The following ABI3BP variants were observed in gnomAD, a reference collection of about 807,000 sequenced individuals.
The protein encoded by ABI3BP is target of Nesh-SH3.
Under a neutral mutation model 268.6 loss-of-function variants are expected in ABI3BP, and 216 were observed. The ratio of observed to expected loss-of-function variants is 0.80; its 90% CI spans 0.72 to 0.90. The LOEUF (loss-of-function observed/expected upper bound fraction) is 0.90, where lower values mean the gene tolerates loss of function less well. ABI3BP is among the 40% of genes least tolerant of loss of function. The pLI is 0.00. For synonymous variants in ABI3BP, 730 were observed against 730.0 expected (o/e 1.00, Z 0.00); for missense variants, 2,090 against 2,182.4 (o/e 0.96, Z 0.84).
chr3:100,865,048 C>A, intron 10 of ABI3BP, 141 bp from the exon 11 acceptor site: 1 of 685,990 alleles, frequency 1.5e-6, no homozygotes, highest in Non-Finnish European at 2.5e-6. Flanking sequence ...GTAAAGAGCT[C>A]CTTGGCTTGT....
intron 4 of ABI3BP, among the ~76,000 whole-genome samples, chr3:100,897,301 A>G (rs573971816): frequency 3.9e-5 from 6 of 152,172 alleles, no homozygotes; most frequent in Admixed American, 6.6e-5. Flanking sequence ...CGTAATATAC[A>G]TCTTCCTATA....
At chr3:100,894,230 A>C (rs2046099768) in intron 4 of ABI3BP, among the ~76,000 whole-genome samples, 1 of 152,186 alleles carries the variant, frequency 6.6e-6, no homozygotes, top group Non-Finnish European at 1.5e-5. Context: ...TTTAAATTAG[A>C]GCCAATGGGA....
chr3:100,876,402 CAA>C, intron 7 of ABI3BP, 108 bp downstream of exon 7: 2 of 949,134 alleles, frequency 2.1e-6, no homozygotes, highest in East Asian at 5.7e-5. Context: ...AACTTTTTCT[CAA>C]AAAAAAAATC....
chr3:100,770,879 G>T lies in ABI3BP; in HGVS notation c.4605C>A (p.Pro1535=). ...CATTCCCCTCTGTGGCCTCCTCTTT[G>T]GGGAACCGTTTGACAGAGTCAGTAA... ...CSITDSVKRF[P]KEEATEGNAT... is the part of the protein sequence containing the mutation. Residue 1535 remains proline (P), a synonymous_variant, in exon 62 of 68, where the codon CCC becomes CCA. Coordinates refer to ENST00000471714, the MANE Select transcript of ABI3BP (RefSeq NM_001375547.2). 3 of 1,603,782 alleles carry T rather than the reference G, an allele frequency of 1.9e-6. No individual in the cohort carries two copies. The highest frequency in any genetic ancestry group is 2.6e-6 in the Non-Finnish European group (3 of 1,175,078).
intron 63 of ABI3BP, 55 bp downstream of exon 63, chr3:100,765,786 G>T: frequency 7.9e-7 from 1 of 1,264,868 alleles, no homozygotes; most frequent in Non-Finnish European, 1.1e-6. Flanking sequence ...TTCCCTTGTT[G>T]TGGTTATAAC....
intron 2 of ABI3BP, among the ~76,000 whole-genome samples, chr3:100,918,106 A>C (rs557520794): frequency 7.4e-4 from 113 of 152,344 alleles, no homozygotes; most frequent in African/African-American, 2.5e-3. Context: ...CTCATCTTGA[A>C]GATTTAAAGC....
intron 2 of ABI3BP, among the ~76,000 whole-genome samples, chr3:100,922,511 G>GGTGAT (rs1472903907): frequency 7.2e-6 from 1 of 139,756 alleles, no homozygotes; most frequent in Non-Finnish European, 1.6e-5. Context: ...AGGGGGCCAG[G>GGTGAT]GTGATGTGAT....
chr3:100,825,030 T>C (rs1432671245), intron 35 of ABI3BP, 89 bp from the exon 36 acceptor site: 5 of 1,063,180 alleles, frequency 4.7e-6, no homozygotes, highest in Admixed American at 2.7e-5. Context: ...AGATCTCCTA[T>C]AGTTCCAGAA....
chr3:100,815,587 TG>T (rs1430518261), intron 44 of ABI3BP, among the ~76,000 whole-genome samples: 1 of 152,158 alleles, frequency 6.6e-6, no homozygotes, highest in Non-Finnish European at 1.5e-5. Flanking sequence ...ACTTAATTGT[TG>T]CTTTATAGAT....
chr3:100,880,634 G>A (rs985450997), intron 6 of ABI3BP, among the ~76,000 whole-genome samples: 18 of 152,160 alleles, frequency 1.2e-4, no homozygotes, highest in African/African-American at 3.9e-4. Flanking sequence ...GTGATGCCCC[G>A]GAGACAAATG....
At chr3:100,848,951 A>G (rs1177297448) in intron 17 of ABI3BP, 76 bp from the exon 18 acceptor site, 14 of 1,222,682 alleles carry the variant, frequency 1.1e-5, no homozygotes, top group Non-Finnish European at 1.2e-6. Flanking sequence ...TAAATTTGCA[A>G]ACTCCAAGTA....
In ABI3BP at chr3:100,789,464, G is replaced by T; in HGVS notation, c.4077C>A (p.His1359Gln). Reference protein sequence around the residue: ...TVRPRTSDKPHIRPVLNRTTT... With the variant: ...TVRPRTSDKPQIRPVLNRTTT... ...AGAGAAACAACTTACCAGGTCTGAT[G>T]TGTGGCTTGTCAGATGTTCTGGGCC... Residue 1359 changes from histidine (H) to glutamine (Q), a missense_variant, in exon 56 of 68, where the codon CAC becomes CAA. Transcript: ENST00000471714. 6.2e-7 allele frequency: 1 copy of T among 1,600,972 alleles called. No individual in the cohort carries two copies. Among genetic ancestry groups the T allele is most frequent in the African/African-American group, 1.3e-5 (1 of 74,750 alleles).
In ABI3BP at chr3:100,830,465, T is replaced by C. The variant is rs147179772; in HGVS notation, c.2458+113A>G. 8.8e-4 allele frequency: 734 copies of C among 831,420 alleles called. 11 individuals are homozygous for C. The East Asian group carries it at 0.016, about 18-fold the overall frequency. 51.5% of individuals were successfully genotyped at this position (831,420 alleles called of 1,614,324 possible). The stretch of plus-strand genomic sequence containing the variant: ...ATACATATTAAGAAGTAATGAATAA[T>C]AGAGGATAACACAGAAGCCTTGTGA... On this transcript the variant is annotated intron_variant, in intron 32 of 67. Transcript: ENST00000471714.
At chr3:100,806,054 C>G (rs1187209152) in intron 50 of ABI3BP, among the ~76,000 whole-genome samples, 1 of 151,978 alleles carries the variant, frequency 6.6e-6, no homozygotes. Flanking sequence ...TCTAAGAAGT[C>G]AAACTTTATT....
intron 38 of ABI3BP, among the ~76,000 whole-genome samples, chr3:100,821,746 G>T (rs1393084426): frequency 2.0e-5 from 3 of 151,650 alleles, no homozygotes; most frequent in African/African-American, 7.3e-5. Context: ...GGGATTACAG[G>T]CACCCACCAC....
chr3:100,758,646 ATATTAAT>A (rs1262711670), intron 63 of ABI3BP, among the ~76,000 whole-genome samples: 5 of 152,230 alleles, frequency 3.3e-5, no homozygotes, highest in Non-Finnish European at 5.9e-5. Context: ...AAAAAATGTT[ATATTAAT>A]ATTTCATTGA....
chr3:100,788,377 A>G (rs2097110741), intron 56 of ABI3BP, among the ~76,000 whole-genome samples: 1 of 152,068 alleles, frequency 6.6e-6, no homozygotes, highest in East Asian at 1.9e-4. Context: ...CTATTTTATA[A>G]CCCATTTAGA....
intron 35 of ABI3BP, 121 bp downstream of exon 35, chr3:100,825,664 C>G: frequency 2.6e-6 from 2 of 778,634 alleles, no homozygotes; most frequent in Non-Finnish European, 4.3e-6. Context: ...TGGTCACAGG[C>G]AGTGATGTTT....
intron 2 of ABI3BP, among the ~76,000 whole-genome samples, chr3:100,921,500 C>T (rs778769050): frequency 2.0e-5 from 3 of 150,968 alleles, no homozygotes; most frequent in East Asian, 1.9e-4. Context: ...GGAGTGAGAA[C>T]ATTCATGATG....
Sources: gnomAD v4.1 joint callset for allele counts (sites outside exome capture counted in the v4.1 genomes callset) on GRCh38, gnomAD v4.1.1 for gene constraint, MANE v1.5 for transcripts, NCBI Gene and HGNC (gene_info 2026-07-23, HGNC 2026-07-21) for gene names.